The following TLN2 variants were observed in gnomAD, a reference collection of about 807,000 sequenced individuals.
TLN2 encodes the protein talin-2.
A neutral mutation model predicts 294.7 loss-of-function variants in TLN2; 118 were observed. The observed-to-expected ratio is 0.40, with a 90% CI of 0.34 to 0.47. The LOEUF is 0.47. Among genes scored for constraint, TLN2 ranks in the 20% least tolerant of loss-of-function variants. The probability of loss-of-function intolerance (pLI) is 0.84; values close to 1 mark genes in which losing one functional copy is unlikely to be tolerated. For missense variants in TLN2, 3,083 were observed against 3,282.2 expected, an observed-to-expected ratio of 0.94 and a Z score of 1.48; for synonymous variants, 1,431 against 1,304.5, an observed-to-expected ratio of 1.10 and a Z score of -2.09.
intron 52 of TLN2, among the ~76,000 whole-genome samples, chr15:62,813,182 T>A (rs993498390): frequency 1.3e-5 from 2 of 152,230 alleles, no homozygotes; most frequent in African/African-American, 4.8e-5. Context: ...TTCAGTTGAT[T>A]GATTTTCTGT....
At chr15:62,532,633 T>C (rs754499970) in intron 1 of TLN2, among the ~76,000 whole-genome samples, 8 of 152,122 alleles carry the variant, frequency 5.3e-5, no homozygotes, top group Non-Finnish European at 1.0e-4. Flanking sequence ...AAAGCATTGC[T>C]CTTGCTTCAC....
At chr15:62,557,905 C>A (rs2042699560) in intron 1 of TLN2, among the ~76,000 whole-genome samples, 1 of 152,154 alleles carries the variant, frequency 6.6e-6, no homozygotes, top group African/African-American at 2.4e-5. Flanking sequence ...AGCCCTAGTA[C>A]CTTTAAATGA....
At chr15:62,489,839 A>G (rs2038610460) in intron 1 of TLN2, among the ~76,000 whole-genome samples, 1 of 152,252 alleles carries the variant, frequency 6.6e-6, no homozygotes, top group East Asian at 1.9e-4. Context: ...AAAGTGGGAA[A>G]CTGCATGTTG....
At chr15:62,689,854 T>TG in intron 12 of TLN2, among the ~76,000 whole-genome samples, 1 of 46,514 alleles carries the variant, frequency 2.1e-5, no homozygotes, top group Admixed American at 2.3e-4. Context: ...TTCTTTTTTT[T>TG]TTTTTTTTTT....
chr15:62,806,832 C>G (rs1027197130), intron 51 of TLN2, among the ~76,000 whole-genome samples: 1 of 152,142 alleles, frequency 6.6e-6, no homozygotes, highest in Non-Finnish European at 1.5e-5. Flanking sequence ...AGACCAGCTC[C>G]TACAGCGTGG....
At chr15:62,781,645 G>A (rs903738807) in intron 44 of TLN2, among the ~76,000 whole-genome samples, 1 of 152,044 alleles carries the variant, frequency 6.6e-6, no homozygotes. Context: ...AAGATATTTG[G>A]GGATAAAATA....
chr15:62,702,896 A>G, intron 19 of TLN2, 32 bp downstream of exon 19: 2 of 1,596,616 alleles, frequency 1.3e-6, no homozygotes. Context: ...AGTCATGGAA[A>G]GAAGTCTAAG....
intron 1 of TLN2, among the ~76,000 whole-genome samples, chr15:62,490,945 C>G (rs1180952124): frequency 6.6e-6 from 1 of 152,146 alleles, no homozygotes. Context: ...TTGACATAGC[C>G]TTAGGAGATC....
At chr15:62,806,782 A>G (rs549082316) in intron 51 of TLN2, among the ~76,000 whole-genome samples, 2 of 152,260 alleles carry the variant, frequency 1.3e-5, no homozygotes, top group South Asian at 2.1e-4. Flanking sequence ...TCAGCAATCA[A>G]TTGATGATCC....
intron 1 of TLN2, among the ~76,000 whole-genome samples, chr15:62,447,728 C>G (rs1276313845): frequency 1.3e-5 from 2 of 152,142 alleles, no homozygotes; most frequent in Non-Finnish European, 2.9e-5. Context: ...CTCCTGACCC[C>G]GTGATCTGCC....
chr15:62,643,508 C>G (rs1161183982), intron 3 of TLN2, among the ~76,000 whole-genome samples: 1 of 147,024 alleles, frequency 6.8e-6, no homozygotes, highest in Non-Finnish European at 1.5e-5. Context: ...AAAGTTGAGG[C>G]CACAAGTCTC....
intron 52 of TLN2, among the ~76,000 whole-genome samples, chr15:62,810,504 A>T (rs750194562): frequency 7.9e-5 from 12 of 152,052 alleles, no homozygotes; most frequent in Non-Finnish European, 1.6e-4. Flanking sequence ...CCATCCTCGA[A>T]TGAATGGCTT....
chr15:62,612,647 TC>T (rs2048007281), intron 2 of TLN2, among the ~76,000 whole-genome samples: 1 of 152,194 alleles, frequency 6.6e-6, no homozygotes, highest in Non-Finnish European at 1.5e-5. Flanking sequence ...AGATTTTTTT[TC>T]TTGTTGTCAC....
chr15:62,439,500 A>G (rs558748889), intron 1 of TLN2, among the ~76,000 whole-genome samples: 38 of 152,188 alleles, frequency 2.5e-4, no homozygotes, highest in African/African-American at 9.2e-4. Context: ...TTTAGTAGAG[A>G]CAGGGTTTAG....
chr15:62,507,657 A>G (rs556018727), intron 1 of TLN2, among the ~76,000 whole-genome samples: 1 of 152,348 alleles, frequency 6.6e-6, no homozygotes, highest in South Asian at 2.1e-4. Flanking sequence ...AGTTAATTGC[A>G]TGGTAATTAA....
intron 25 of TLN2, among the ~76,000 whole-genome samples, chr15:62,720,838 G>A (rs1310614629): frequency 6.6e-6 from 1 of 151,790 alleles, no homozygotes; most frequent in African/African-American, 2.4e-5. Flanking sequence ...TTAATTTTTT[G>A]CCATCATGAA....
intron 37 of TLN2, among the ~76,000 whole-genome samples, chr15:62,760,294 C>T (rs1444964852): frequency 6.6e-6 from 1 of 152,134 alleles, no homozygotes; most frequent in Admixed American, 6.5e-5. Context: ...ATTATTGTCC[C>T]AAGCTGCCAA....
At position 62,719,781 on chromosome 15, in the gene TLN2, C is replaced by A; in HGVS notation, c.2892C>A (p.His964Gln). Reference sequence around the variant, plus strand: ...GCCTTCTGCAGGCAGTGGCTGATCACATCCCTCAGCTGGTCCAGGGAGTGA... The same window carrying A: ...GCCTTCTGCAGGCAGTGGCTGATCAAATCCCTCAGCTGGTCCAGGGAGTGA... ...LVQSCKAVAD[H>Q]IPQLVQGVRG... The change falls in exon 25 of 59, where the codon CAC (histidine) becomes CAA (glutamine). Residue 964 changes from histidine (H) to glutamine (Q), a missense_variant. Transcript: ENST00000636159. 1 of 1,606,294 alleles carries A rather than the reference C, an allele frequency of 6.2e-7. No homozygotes were observed.
rs552100444 is a variant in TLN2, at chr15:62,844,005, G to C, written c.*3395G>C. 2 of 152,292 alleles carry C rather than the reference G, an allele frequency of 1.3e-5. No homozygotes were observed. The highest frequency in any genetic ancestry group is 4.2e-4 in the South Asian group (2 of 4,818). The allele number at this position is 152,292 out of a possible 1,614,324, so 9.4% of individuals were successfully genotyped here. On this transcript the variant is annotated 3_prime_UTR_variant, in exon 59 of 59. Coordinates refer to ENST00000636159, the MANE Select transcript of TLN2 (RefSeq NM_015059.3). ...CCATTCTCAGATTCCTGGAGGAAAG[G>C]TACCCTCTGTTGACCAAGGGGCTGG... is the stretch of plus-strand genomic sequence containing the variant.
Sources: gnomAD v4.1 joint callset for allele counts (sites outside exome capture counted in the v4.1 genomes callset) on GRCh38, gnomAD v4.1.1 for gene constraint, MANE v1.5 for transcripts, NCBI Gene and HGNC (gene_info 2026-07-23, HGNC 2026-07-21) for gene names.